The following TMC2 variants were observed in gnomAD, a reference collection of about 807,000 sequenced individuals.
TMC2 encodes transmembrane channel like 2.
TMC2 carries 102 observed loss-of-function variants against 105.9 expected under a neutral mutation model. The observed-to-expected ratio is 0.96, with a 90% confidence interval of 0.82 to 1.14. The LOEUF is 1.14. TMC2 is among the 50% of genes most tolerant of loss of function. The pLI is 0.00. For synonymous variants in TMC2, 402 were observed against 422.8 expected (o/e 0.95, Z 0.60); for missense variants, 1,093 against 1,134.3 (o/e 0.96, Z 0.52).
intron 2 of TMC2, among the ~76,000 whole-genome samples, chr20:2,556,953 C>T (rs2085988987): frequency 6.7e-6 from 1 of 149,616 alleles, no homozygotes; most frequent in Non-Finnish European, 1.5e-5. Context: ...TAGTGTAATT[C>T]TTATCTTTAT....
chr20:2,596,912 C>G (rs2086312134), intron 9 of TMC2, among the ~76,000 whole-genome samples: 2 of 151,956 alleles, frequency 1.3e-5, no homozygotes, highest in South Asian at 4.2e-4. Context: ...CTCCTGCAGG[C>G]TTTTTATTAC....
At chr20:2,638,844 AAG>A (rs1359825713) in intron 19 of TMC2, among the ~76,000 whole-genome samples, 2 of 152,230 alleles carry the variant, frequency 1.3e-5, no homozygotes, top group African/African-American at 4.8e-5. Flanking sequence ...GTTATTATAA[AAG>A]AGATAAAGTA....
intron 5 of TMC2, among the ~76,000 whole-genome samples, chr20:2,576,349 C>T (rs1382819077): frequency 2.6e-5 from 4 of 152,160 alleles, no homozygotes; most frequent in African/African-American, 9.7e-5. Flanking sequence ...TAAGAGAATC[C>T]ATGCCAGAGC....
intron 7 of TMC2, among the ~76,000 whole-genome samples, chr20:2,581,387 G>C (rs1002457378): frequency 6.6e-6 from 1 of 152,122 alleles, no homozygotes; most frequent in African/African-American, 2.4e-5. Flanking sequence ...GAAATCAAGG[G>C]TTCTGAGTCC....
In TMC2 at chr20:2,537,690, A is replaced by G. The variant is rs537424039; in HGVS notation, c.82+374A>G. ...TAGGAGGAACACTCTTAACCTCCAAAAAGTAGTAGGCATAATGGGTGCTCC... is the reference window on the plus strand; with the variant it reads ...TAGGAGGAACACTCTTAACCTCCAAGAAGTAGTAGGCATAATGGGTGCTCC... On this transcript the variant is annotated intron_variant, in intron 2 of 19. Coordinates refer to ENST00000358864, the MANE Select transcript of TMC2 (RefSeq NM_080751.3). Among the ~76,000 whole-genome samples, 6 of 151,682 alleles carry G rather than the reference A, an allele frequency of 4.0e-5. No individual in the cohort carries two copies. The East Asian group carries it at 1.2e-3, about 29-fold the overall frequency.
Position 2,596,294 on chromosome 20 carries a change from A to G in TMC2, c.1077-857A>G, listed in dbSNP as rs533288991. Among the ~76,000 whole-genome samples the G allele has an allele frequency of 3.2e-4, 49 of 152,286 alleles. 1 individual carries two copies. Among genetic ancestry groups the G allele is most frequent in the Middle Eastern group, 6.8e-3 (2 of 294 alleles). On this transcript the variant is annotated intron_variant, in intron 9 of 19. Coordinates refer to ENST00000358864, the MANE Select transcript of TMC2 (RefSeq NM_080751.3). ...GATTAAGAGAAGGATATATGACCTG[A>G]TTGTATTAGGACGGTGCAAAAGTAA...
At chr20:2,581,355 T>C (rs1239150685) in intron 7 of TMC2, among the ~76,000 whole-genome samples, 1 of 152,224 alleles carries the variant, frequency 6.6e-6, no homozygotes, top group Non-Finnish European at 1.5e-5. Flanking sequence ...CTAGCCTTTG[T>C]ACTCTTTCAT....
intron 5 of TMC2, among the ~76,000 whole-genome samples, chr20:2,578,047 A>G (rs2086160226): frequency 6.6e-6 from 1 of 152,168 alleles, no homozygotes; most frequent in Non-Finnish European, 1.5e-5. Flanking sequence ...CGGGCCAGGC[A>G]CAGTGGCTCA....
chr20:2,567,308 C>A (rs546230720), intron 4 of TMC2, among the ~76,000 whole-genome samples: 64 of 152,298 alleles, frequency 4.2e-4, no homozygotes, highest in Admixed American at 7.2e-4. Context: ...TGGACTTTCA[C>A]CCCCACCTGG....
intron 5 of TMC2, among the ~76,000 whole-genome samples, chr20:2,578,452 A>T (rs528846604): frequency 3.3e-5 from 5 of 152,172 alleles, no homozygotes; most frequent in Non-Finnish European, 7.3e-5. Flanking sequence ...TTGTTTCCAC[A>T]ATGTGGGGCT....
intron 7 of TMC2, among the ~76,000 whole-genome samples, chr20:2,583,036 C>G (rs1024125601): frequency 2.0e-5 from 3 of 152,148 alleles, no homozygotes; most frequent in African/African-American, 7.2e-5. Flanking sequence ...GTGAAAATCA[C>G]CTGGGGGACT....
At chr20:2,603,816 G>A (rs1042003161) in intron 11 of TMC2, among the ~76,000 whole-genome samples, 2 of 152,076 alleles carry the variant, frequency 1.3e-5, no homozygotes, top group Non-Finnish European at 1.5e-5. Context: ...TTGTTCCTGT[G>A]CTCTAGTTCC....
chr20:2,587,827 G>A (rs533021034), intron 7 of TMC2, among the ~76,000 whole-genome samples: 12 of 152,100 alleles, frequency 7.9e-5, no homozygotes, highest in Non-Finnish European at 1.3e-4. Context: ...TCACCATGTC[G>A]TACAATAGAT....
chr20:2,585,477 C>T (rs561875863), intron 7 of TMC2, among the ~76,000 whole-genome samples: 1 of 152,294 alleles, frequency 6.6e-6, no homozygotes, highest in Admixed American at 6.5e-5. Context: ...ATTATTATTT[C>T]TGTGGGTCAG....
At chr20:2,547,289 T>C (rs1332593636) in intron 2 of TMC2, among the ~76,000 whole-genome samples, 1 of 152,216 alleles carries the variant, frequency 6.6e-6, no homozygotes, top group African/African-American at 2.4e-5. Flanking sequence ...ACATTTTAAA[T>C]GATAACTGAA....
At chr20:2,608,298 T>TA (rs2086408510) in intron 11 of TMC2, among the ~76,000 whole-genome samples, 1 of 120,820 alleles carries the variant, frequency 8.3e-6, no homozygotes, top group Non-Finnish European at 1.7e-5. Flanking sequence ...CCCTTATTTT[T>TA]ATTTATTATT....
At chr20:2,564,072 TTAAA>T (rs1240735753) in intron 4 of TMC2, among the ~76,000 whole-genome samples, 37 of 151,786 alleles carry the variant, frequency 2.4e-4, no homozygotes, top group Admixed American at 1.6e-3. Flanking sequence ...TTTTAAAAAT[TTAAA>T]TAGTCCCATG....
intron 5 of TMC2, 104 bp downstream of exon 5, chr20:2,572,373 G>A: frequency 1.2e-6 from 1 of 853,246 alleles, no homozygotes; most frequent in South Asian, 1.5e-5. Flanking sequence ...GTGTCCAGCT[G>A]CCCCCAGAAT....
intron 7 of TMC2, among the ~76,000 whole-genome samples, chr20:2,581,354 G>T (rs1046848230): frequency 1.3e-5 from 2 of 152,122 alleles, no homozygotes; most frequent in African/African-American, 4.8e-5. Context: ...ACTAGCCTTT[G>T]TACTCTTTCA....
Sources: allele counts gnomAD v4.1 joint callset (sites outside exome capture counted in the v4.1 genomes callset), GRCh38; gene constraint gnomAD v4.1.1; transcripts MANE v1.5; gene names NCBI Gene and HGNC (gene_info 2026-07-23, HGNC 2026-07-21).